SBNO1: variants seen among roughly 807,000 people sequenced by gnomAD.
SBNO1 encodes protein strawberry notch homolog 1.
In SBNO1, 23 loss-of-function variants were observed where a neutral mutation model predicts 173.6. That is an observed-to-expected ratio of 0.13 (90% confidence interval 0.10 to 0.19). The LOEUF (loss-of-function observed/expected upper bound fraction) is 0.19. SBNO1 is among the 10% of genes least tolerant of loss of function. SBNO1 has a pLI of 1.00. For synonymous variants in SBNO1, 632 were observed against 571.5 expected (o/e 1.11, Z -1.51); for missense variants, 1,238 against 1,671.2 (o/e 0.74, Z 4.52).
intron 4 of SBNO1, 69 bp from the exon 5 acceptor site, chr12:123,341,157 C>T (rs930707909): frequency 1.0e-5 from 10 of 992,102 alleles, no homozygotes; most frequent in Admixed American, 5.7e-5. Context: ...ATTTAAAAAT[C>T]CAGAAGTTTA....
Position 123,309,341 on chromosome 12 carries a change from C to T in SBNO1, c.3599G>A (p.Gly1200Glu). Residue 1200 changes from glycine to glutamate, a missense_variant, in exon 28 of 32, where the codon GGA becomes GAA. This residue lies in a region of SBNO1 where 351 missense variants were observed against 420.3 expected (regional missense o/e 0.84). Coordinates refer to ENST00000602398, the MANE Select transcript of SBNO1 (RefSeq NM_001167856.3). ...TGACAAGTAAAAGCCATCGTCTGGT[C>T]CTGTCAGCTCAGCCCAAATCTTGGT... ...EATKIWAELT[G>E]PDDGFYLSLQ... 1.9e-6 allele frequency: 3 copies of T among 1,614,122 alleles called. No individual in the cohort carries two copies. The highest frequency in any genetic ancestry group is 2.5e-6 in the Non-Finnish European group (3 of 1,179,986).
intron 25 of SBNO1, among the ~76,000 whole-genome samples, 171 bp downstream of exon 25, chr12:123,310,884 C>A (rs1031131900): frequency 3.3e-5 from 5 of 152,154 alleles, no homozygotes; most frequent in Admixed American, 6.6e-5. Context: ...GCAGCCAGTG[C>A]TGAAAACTGC....
In SBNO1 at chr12:123,302,928, A is replaced by C. The variant is rs566311117; in HGVS notation, c.3769-28T>G. The C allele has an allele frequency of 1.8e-5, 27 of 1,534,766 alleles. No individual in the cohort carries two copies. The Admixed American group carries it at 4.2e-4, about 24-fold the overall frequency. ...GTAAAAATGAGAAGAATTTCATTGAAAACAGTATTGCTTTAAATAAACTGG... is the reference window on the plus strand; with the variant it reads ...GTAAAAATGAGAAGAATTTCATTGACAACAGTATTGCTTTAAATAAACTGG... On this transcript the variant is annotated intron_variant, in intron 29 of 31. Coordinates refer to ENST00000602398, the MANE Select transcript of SBNO1 (RefSeq NM_001167856.3).
rs906950082 is a variant in SBNO1 at position 123,292,496 on chromosome 12, T to A, written c.*3412A>T. On this transcript the variant is annotated 3_prime_UTR_variant, in exon 32 of 32. Transcript: ENST00000602398. ...ATTATAAATGCTGTCCTGGTAGCCTTTCTTCTCTTGCCGGCTAACAATTGT... is the reference window on the plus strand; with the variant it reads ...ATTATAAATGCTGTCCTGGTAGCCTATCTTCTCTTGCCGGCTAACAATTGT... 2 of 152,198 alleles carry A rather than the reference T, an allele frequency of 1.3e-5. No individual in the cohort carries two copies. Among genetic ancestry groups the A allele is most frequent in the Non-Finnish European group, 2.9e-5 (2 of 68,032 alleles). 9.4% of individuals were successfully genotyped at this position (152,198 alleles called of 1,614,324 possible).
chr12:123,317,212 G>A lies in SBNO1; in HGVS notation c.2935+9C>T. 6.2e-7 allele frequency: 1 copy of A among 1,613,582 alleles called. No homozygotes were observed. ...TCCATTAAGTGAAATCCAGTTTGTAGGAACTTACCGAACTGTTGAATTGCT... is the reference window on the plus strand; with the variant it reads ...TCCATTAAGTGAAATCCAGTTTGTAAGAACTTACCGAACTGTTGAATTGCT... On this transcript the variant is annotated intron_variant, in intron 21 of 31. Coordinates refer to ENST00000602398, the MANE Select transcript of SBNO1 (RefSeq NM_001167856.3).
At chr12:123,317,724 C>A (rs996771839) in intron 20 of SBNO1, among the ~76,000 whole-genome samples, 4 of 152,276 alleles carry the variant, frequency 2.6e-5, no homozygotes, top group Non-Finnish European at 5.9e-5. Flanking sequence ...CGGAAGATGC[C>A]TGGACTTCAA....
chr12:123,295,780 C>A lies in SBNO1; in HGVS notation c.*128G>T. ...TCTATTCCAGGTTTGTCCTTACTCC[C>A]AAAAAAACTAACTAGAGAGCACAAC... On this transcript the variant is annotated 3_prime_UTR_variant, in exon 32 of 32. Transcript: ENST00000602398. 7.6e-7 allele frequency: 1 copy of A among 1,312,420 alleles called. No homozygotes were observed. Among genetic ancestry groups the A allele is most frequent in the Non-Finnish European group, 1.0e-6 (1 of 954,660 alleles). 81.3% of individuals were successfully genotyped at this position (1,312,420 alleles called of 1,614,324 possible). A position where few individuals can be genotyped will look rare whatever the true frequency, so the allele number is the denominator to read the frequency against.
In SBNO1 at chr12:123,294,834, C is replaced by A. The variant is rs548602129; in HGVS notation, c.*1074G>T. The A allele has an allele frequency of 6.6e-6, 1 of 152,412 alleles. No individual in the cohort carries two copies. Among genetic ancestry groups the A allele is most frequent in the African/African-American group, 2.4e-5 (1 of 41,404 alleles). 9.4% of individuals were successfully genotyped at this position (152,412 alleles called of 1,614,324 possible). On this transcript the variant is annotated 3_prime_UTR_variant, in exon 32 of 32. Transcript: ENST00000602398. ...TAACAGCTTGAGATAAACTCTACGT[C>A]TTACAACACATTAAACAATATTCAA...
chr12:123,309,291 T>C lies in SBNO1; in HGVS notation c.3630+19A>G. On this transcript the variant is annotated intron_variant, in intron 28 of 31. Transcript: ENST00000602398. ...AAAAGTATTATATATCTGAATAGAA[T>C]TTAAAGGAAAAGTCGTACTTGCAAT... 1 of 1,588,288 alleles carries C rather than the reference T, an allele frequency of 6.3e-7. No individual in the cohort carries two copies.
rs1418298694 is a variant in SBNO1 at position 123,298,001 on chromosome 12, G to A, written c.4016C>T (p.Thr1339Met). ...ACCTACAATCCGTTGCCCATCTTCC[G>A]TTCTTAGCCGCACGATCTGCATCTT... is the stretch of plus-strand genomic sequence containing the variant. The part of the protein sequence containing the change: ...NVKMQIVRLR[T>M]EDGQRIVGLI... The change falls in exon 31 of 32, where the codon ACG (threonine) becomes ATG (methionine). Residue 1339 changes from threonine to methionine, a missense_variant. Physicochemically the swap from Thr to Met is moderately conservative, Grantham distance 81 (BLOSUM62 -1). This residue lies in a region of SBNO1 where 351 missense variants were observed against 420.3 expected (regional missense o/e 0.84). Coordinates refer to ENST00000602398, the MANE Select transcript of SBNO1 (RefSeq NM_001167856.3). The A allele has an allele frequency of 1.2e-6, 2 of 1,613,874 alleles. No individual in the cohort carries two copies. The highest frequency in any genetic ancestry group is 1.7e-6 in the Non-Finnish European group (2 of 1,179,952).
rs746299821 is a variant in SBNO1, at chr12:123,321,667, C to G, written c.2191G>C (p.Asp731His). ...GCATCAGATTCACTTCCACTGTCGT[C>G]AGAACTGCTACCAGTAAGGCCACCT... ...KVGGLTGSSS[D>H]DSGSESDASD... is the part of the protein sequence containing the mutation. The change falls in exon 17 of 32, where the codon GAC becomes CAC. Residue 731 changes from aspartate (D) to histidine (H), a missense_variant. Asp to His is a moderately conservative substitution (Grantham distance 81, BLOSUM62 -1). Around this residue, in one of 14 missense-constraint regions of SBNO1, gnomAD observed 81 missense variants for 82.6 expected, o/e 0.98. Transcript: ENST00000602398. 2 of 1,614,090 alleles carry G rather than the reference C, an allele frequency of 1.2e-6. No individual in the cohort carries two copies. The highest frequency in any genetic ancestry group is 2.2e-5 in the East Asian group (1 of 44,876).
chr12:123,339,927 T>C (rs1872325976), intron 5 of SBNO1, among the ~76,000 whole-genome samples: 1 of 152,148 alleles, frequency 6.6e-6, no homozygotes, highest in South Asian at 2.1e-4. Flanking sequence ...TCTGTGCCCA[T>C]TAATCCTTTA....
At chr12:123,308,674 C>T (rs1178907345) in intron 28 of SBNO1, among the ~76,000 whole-genome samples, 1 of 151,368 alleles carries the variant, frequency 6.6e-6, no homozygotes, top group Non-Finnish European at 1.5e-5. Context: ...GACTCAATCT[C>T]AAAAAAAAGT....
intron 20 of SBNO1, 61 bp downstream of exon 20, chr12:123,319,839 A>G: frequency 1.4e-6 from 2 of 1,474,190 alleles, no homozygotes; most frequent in Non-Finnish European, 1.9e-6. Context: ...ACTCTTCTAA[A>G]GCTTAATCTA....
intron 1 of SBNO1, among the ~76,000 whole-genome samples, chr12:123,358,062 G>C (rs906791629): frequency 1.1e-4 from 17 of 152,144 alleles, no homozygotes; most frequent in Admixed American, 1.1e-3. Context: ...AGTGACTCAG[G>C]GTTTTTTGGA....
intron 9 of SBNO1, among the ~76,000 whole-genome samples, chr12:123,329,978 A>G (rs1225103440): frequency 6.6e-6 from 1 of 152,218 alleles, no homozygotes; most frequent in Non-Finnish European, 1.5e-5. Flanking sequence ...ACTCAAGTCC[A>G]TTAGCTGTAC....
At chr12:123,325,340 CAATA>C (rs1169718671) in intron 15 of SBNO1, among the ~76,000 whole-genome samples, 158 bp downstream of exon 15, 1 of 151,920 alleles carries the variant, frequency 6.6e-6, no homozygotes, top group East Asian at 1.9e-4. Context: ...TATTGTTTTC[CAATA>C]GATACACTGT....
chr12:123,315,843 T>C (rs952888947), intron 21 of SBNO1, among the ~76,000 whole-genome samples, 183 bp from the exon 22 acceptor site: 6 of 152,190 alleles, frequency 3.9e-5, no homozygotes, highest in Non-Finnish European at 7.3e-5. Context: ...GTATTAGCAT[T>C]GCTACCCCAA....
chr12:123,310,308 AC>A (rs2138919199), intron 25 of SBNO1, among the ~76,000 whole-genome samples: 1 of 152,216 alleles, frequency 6.6e-6, no homozygotes, highest in South Asian at 2.1e-4. Context: ...ATCTTGGCTC[AC>A]TGCAACCTCC....
Sources: gnomAD v4.1 joint callset for allele counts (sites outside exome capture counted in the v4.1 genomes callset) on GRCh38, gnomAD v4.1.1 for gene constraint, gnomAD v4.1.1 regional missense constraint, MANE v1.5 for transcripts, NCBI Gene and HGNC (gene_info 2026-07-23, HGNC 2026-07-21) for gene names.